The following ADRA1A variants were observed in gnomAD, a reference collection of about 807,000 sequenced individuals.
ADRA1A encodes alpha-1A adrenergic receptor.
Under a neutral mutation model 29.6 loss-of-function variants are expected in ADRA1A, and 31 were observed. The observed-to-expected ratio is 1.05, with a 90% confidence interval of 0.79 to 1.41. The LOEUF (loss-of-function observed/expected upper bound fraction) is 1.41. Among genes scored for constraint, ADRA1A ranks in the 40% most tolerant of loss-of-function variants. The pLI is 0.00. For synonymous variants in ADRA1A, 311 were observed against 254.3 expected (o/e 1.22, Z -2.12); for missense variants, 619 against 601.1 (o/e 1.03, Z -0.31).
rs1810200225 is a variant in ADRA1A at position 26,821,923 on chromosome 8, A to G, written c.883+42164T>C. ...GTACTTCATCTAGAGAATGTTGCAC[A>G]TATCAATAGCTTGCTATTTTTTATT... On this transcript the variant is annotated intron_variant, in intron 2 of 2. Transcript: ENST00000380573. This position sits in a 1 kb window ranked among gnomAD's most constrained non-coding sequence, Gnocchi z 5.6. Among the ~76,000 whole-genome samples the G allele has an allele frequency of 6.6e-6, 1 of 152,222 alleles. No homozygotes were observed. The highest frequency in any genetic ancestry group is 2.4e-5 in the African/African-American group (1 of 41,458).
chr8:26,784,029 G>A (rs1807192581), intron 2 of ADRA1A, among the ~76,000 whole-genome samples: 1 of 151,980 alleles, frequency 6.6e-6, no homozygotes, highest in Non-Finnish European at 1.5e-5. Context: ...TGTTTGGGGG[G>A]TGTGGTGAAT....
chr8:26,789,789 T>G (rs1807681014), intron 2 of ADRA1A, among the ~76,000 whole-genome samples: 2 of 152,024 alleles, frequency 1.3e-5, no homozygotes, highest in Admixed American at 1.3e-4. Flanking sequence ...ATAATCCAAT[T>G]AAAAAGGGAA....
Position 26,864,140 on chromosome 8 carries a change from A to G in ADRA1A, c.830T>C (p.Val277Ala). ...EKKAAKTLGIVVGCFVLCWLP... is the reference protein window; with the variant it reads ...EKKAAKTLGIAVGCFVLCWLP... The stretch of plus-strand genomic sequence containing the variant: ...CCAGCAGAGGACGAAGCAGCCGACC[A>G]CGATGCCCAGCGTTTTGGCCGCTTT... The change falls in exon 2 of 3, where the codon GTG becomes GCG. Residue 277 changes from valine (V) to alanine (A), a missense_variant. Transcript: ENST00000380573. This position sits in a 1 kb window ranked among gnomAD's most constrained non-coding sequence, Gnocchi z 8.1. 1 of 1,614,186 alleles carries G rather than the reference A, an allele frequency of 6.2e-7. No individual in the cohort carries two copies. The highest frequency in any genetic ancestry group is 8.5e-7 in the Non-Finnish European group (1 of 1,180,042).
chr8:26,785,400 C>A (rs1485335582), intron 2 of ADRA1A, among the ~76,000 whole-genome samples: 3 of 152,166 alleles, frequency 2.0e-5, no homozygotes, highest in Non-Finnish European at 4.4e-5. Context: ...GAGCTGACGT[C>A]TGGACTACAA....
chr8:26,748,759 A>AG (rs573581541), intron 2 of ADRA1A: 4 of 412,396 alleles, frequency 9.7e-6, no homozygotes, highest in African/African-American at 2.2e-5. Context: ...CTAAAAAAAA[A>AG]AAAAAAAAAA....
At chr8:26,789,751 T>C (rs6557948) in intron 2 of ADRA1A, among the ~76,000 whole-genome samples, 54,335 of 151,810 alleles carry the variant, frequency 0.36, 11,415 homozygotes, top group East Asian at 0.84. Context: ...ATAAACGGAA[T>C]TTAAACTATT....
chr8:26,812,522 G>C (rs906985474), intron 2 of ADRA1A, among the ~76,000 whole-genome samples: 1 of 152,058 alleles, frequency 6.6e-6, no homozygotes, highest in Non-Finnish European at 1.5e-5. Context: ...TCAGGAGATA[G>C]TTTTTGAGTG....
chr8:26,760,129 G>C (rs1329868567), intron 2 of ADRA1A, among the ~76,000 whole-genome samples: 2 of 152,196 alleles, frequency 1.3e-5, no homozygotes, highest in Non-Finnish European at 2.9e-5. Context: ...GAGGATAAAT[G>C]CTCCTCGCTT....
chr8:26,854,987 G>T (rs930176096), intron 2 of ADRA1A, among the ~76,000 whole-genome samples: 1 of 152,182 alleles, frequency 6.6e-6, no homozygotes, highest in Non-Finnish European at 1.5e-5. Flanking sequence ...ATGAAGGTAG[G>T]TCTTCTTCAG....
chr8:26,856,851 A>G (rs2130771322), intron 2 of ADRA1A, among the ~76,000 whole-genome samples: 1 of 152,296 alleles, frequency 6.6e-6, no homozygotes, highest in South Asian at 2.1e-4. Flanking sequence ...GGAGGCAAAG[A>G]TCCCAGTTGG....
At position 26,800,047 on chromosome 8, in the gene ADRA1A, T is replaced by C. The variant is rs532516229; in HGVS notation, c.884-29381A>G. On this transcript the variant is annotated intron_variant, in intron 2 of 2. Coordinates refer to ENST00000380573, the MANE Select transcript of ADRA1A (RefSeq NM_000680.4). ...GCTGAGGATTGTGGATCACTTGAGG[T>C]CAGGAGTTTGAGACCAGCCTGATCA... 1.6e-4 allele frequency among the ~76,000 whole-genome samples: 24 copies of C among 152,132 alleles called. 1 individual carries two copies. In the South Asian group the frequency reaches 4.6e-3, roughly 29 times the overall value.
intron 2 of ADRA1A, among the ~76,000 whole-genome samples, chr8:26,819,031 A>G (rs1293921752): frequency 6.6e-6 from 1 of 152,200 alleles, no homozygotes; most frequent in Non-Finnish European, 1.5e-5. Context: ...ATGATTACAC[A>G]GAGACACATT....
At chr8:26,836,839 A>G (rs1299252675) in intron 2 of ADRA1A, among the ~76,000 whole-genome samples, 1 of 152,096 alleles carries the variant, frequency 6.6e-6, no homozygotes, top group Non-Finnish European at 1.5e-5. Context: ...AGGGGCCAGC[A>G]GTGGTATTTG....
intron 2 of ADRA1A, among the ~76,000 whole-genome samples, chr8:26,838,439 C>CTATGCTCT (rs544066525): frequency 2.8e-4 from 43 of 152,144 alleles, no homozygotes; most frequent in Non-Finnish European, 5.9e-4. Context: ...TCTATGCTCT[C>CTATGCTCT]CAATAATGCA....
At chr8:26,832,249 T>C (rs1038232349) in intron 2 of ADRA1A, among the ~76,000 whole-genome samples, 2 of 152,194 alleles carry the variant, frequency 1.3e-5, no homozygotes, top group Non-Finnish European at 2.9e-5. Flanking sequence ...GGTGAAACCC[T>C]GTCCCAGACG....
rs2130606547 is a variant in ADRA1A at position 26,823,274 on chromosome 8, C to T, written c.883+40813G>A. Among the ~76,000 whole-genome samples, 1 of 148,944 alleles carries T rather than the reference C, an allele frequency of 6.7e-6. No individual in the cohort carries two copies. The highest frequency in any genetic ancestry group is 2.5e-5 in the African/African-American group (1 of 39,554). On this transcript the variant is annotated intron_variant, in intron 2 of 2. Transcript: ENST00000380573. This position sits in a 1 kb window ranked among gnomAD's most constrained non-coding sequence, Gnocchi z 4.2. ...CTTTGGCCACATGGTATAGTGTCTGCCTTCCACACTGTCACGTGCTGGGGG... is the reference window on the plus strand; with the variant it reads ...CTTTGGCCACATGGTATAGTGTCTGTCTTCCACACTGTCACGTGCTGGGGG...
rs769974972 is a variant in ADRA1A, at chr8:26,770,131, C to A, written c.*18G>T. 1 of 1,526,592 alleles carries A rather than the reference C, an allele frequency of 6.6e-7. No homozygotes were observed. The highest frequency in any genetic ancestry group is 8.8e-7 in the Non-Finnish European group (1 of 1,138,384). 94.6% of individuals were successfully genotyped at this position (1,526,592 alleles called of 1,614,324 possible). ...GGGTACCTAAGATTATTCCCCTTTC[C>A]TCTGCATCTTTCCTGTCCTAGACTT... On this transcript the variant is annotated 3_prime_UTR_variant, in exon 3 of 3. Transcript: ENST00000380573.
At chr8:26,791,650 G>A (rs551406096) in intron 2 of ADRA1A, among the ~76,000 whole-genome samples, 2 of 152,168 alleles carry the variant, frequency 1.3e-5, no homozygotes, top group Admixed American at 6.5e-5. Context: ...GCCTGACCTG[G>A]CCTCTGCCAT....
downstream of ADRA1A, among the ~76,000 whole-genome samples, chr8:26,755,635 C>T (rs1014572322): frequency 3.3e-5 from 5 of 152,154 alleles, no homozygotes; most frequent in East Asian, 1.9e-4. Context: ...CAGGATTCAC[C>T]GTAGAGATCA....
Sources: gnomAD v4.1 joint callset for allele counts (sites outside exome capture counted in the v4.1 genomes callset) on GRCh38, gnomAD v4.1.1 for gene constraint, Gnocchi (gnomAD v3.1) non-coding constraint, MANE v1.5 for transcripts, NCBI Gene and HGNC (gene_info 2026-07-23, HGNC 2026-07-21) for gene names.